Variants in PRTN3 observed in about 807,000 individuals in gnomAD.
PRTN3 encodes the protein proteinase 3, also known as myeloblastin.
In PRTN3, 22 loss-of-function variants were observed where a neutral mutation model predicts 20.7. The ratio of observed to expected loss-of-function variants is 1.06; its 90% confidence interval spans 0.76 to 1.52. The LOEUF (loss-of-function observed/expected upper bound fraction) is 1.52. PRTN3 is among the 40% of genes most tolerant of loss of function. The pLI, the probability that PRTN3 is intolerant of heterozygous loss-of-function variation, is 0.00. For missense variants in PRTN3, 378 were observed against 359.6 expected, an observed-to-expected ratio of 1.05 and a Z score of -0.41; for synonymous variants, 173 against 152.9, an observed-to-expected ratio of 1.13 and a Z score of -0.97.
intron 4 of PRTN3, 128 bp downstream of exon 4, chr19:846,505 G>T (rs1230914447): frequency 1.0e-6 from 1 of 1,004,340 alleles, no homozygotes; most frequent in African/African-American, 1.7e-5. Context: ...CCTGGAAGGT[G>T]GGCACACCCA....
chr19:843,217 C>A, intron 1 of PRTN3: 1 of 532,804 alleles, frequency 1.9e-6, no homozygotes, highest in Admixed American at 3.5e-5. Context: ...CACCCAGCCA[C>A]CTGGTCTGCG....
At chr19:846,420 G>A (rs1211253139) in intron 4 of PRTN3, 43 bp downstream of exon 4, 1 of 1,528,402 alleles carries the variant, frequency 6.5e-7, no homozygotes, top group African/African-American at 1.4e-5. Context: ...GCTGCCATGA[G>A]GGGAGGAGGG....
Position 843,998 on chromosome 19 carries a change from C to T in PRTN3, c.333C>T (p.Asp111=). The change falls in exon 3 of 5, where the codon GAC becomes GAT. Residue 111 remains aspartate (D), a synonymous_variant. Coordinates refer to ENST00000234347, the MANE Select transcript of PRTN3 (RefSeq NM_002777.4). ...CTCAGGTGTTTCTGAACAACTACGACGCGGAGAACAAACTGAACGACGTTC... is the reference window on the plus strand; with the variant it reads ...CTCAGGTGTTTCTGAACAACTACGATGCGGAGAACAAACTGAACGACGTTC... The part of the protein sequence containing the change: ...SVAQVFLNNY[D]AENKLNDVLL... 6.2e-7 allele frequency: 1 copy of T among 1,607,104 alleles called. No individual in the cohort carries two copies.
chr19:847,567 G>C lies in PRTN3; in HGVS notation c.601-232G>C, dbSNP rs549790161. Among the ~76,000 whole-genome samples the C allele has an allele frequency of 7.2e-3, 1,092 of 151,958 alleles. 14 individuals are homozygous for C. Among genetic ancestry groups the C allele is most frequent in the African/African-American group, 0.025 (1,021 of 41,428 alleles). On this transcript the variant is annotated intron_variant, in intron 4 of 4. Transcript: ENST00000234347. ...AGAAAGAAAAAGAAAGAGAGAGAGA[G>C]AGAGAGAGAGAGAGAAAGAAAGAAA...
At chr19:847,714 G>T in intron 4 of PRTN3, 85 bp from the exon 5 acceptor site, 1 of 1,463,818 alleles carries the variant, frequency 6.8e-7, no homozygotes, top group Non-Finnish European at 9.2e-7. Context: ...GACTCAGGTG[G>T]CCCCTGATGG....
chr19:842,228 G>T (rs1017290938), intron 1 of PRTN3, among the ~76,000 whole-genome samples: 5 of 150,366 alleles, frequency 3.3e-5, no homozygotes, highest in Non-Finnish European at 4.4e-5. Context: ...GTTTCACCAC[G>T]TTGGTCAGGC....
At chr19:841,737 T>C (rs1371897943) in intron 1 of PRTN3, among the ~76,000 whole-genome samples, 8 of 147,674 alleles carry the variant, frequency 5.4e-5, no homozygotes, top group Middle Eastern at 3.5e-3. Flanking sequence ...TTTTCTTTTT[T>C]TTTTTTTTGA....
In PRTN3 at chr19:848,089, C is replaced by T. The variant is rs2035543522; in HGVS notation, c.*120C>T. The T allele has an allele frequency of 7.9e-7, 1 of 1,258,348 alleles. No homozygotes were observed. 77.9% of individuals were successfully genotyped at this position (1,258,348 alleles called of 1,614,324 possible). A position where few individuals can be genotyped will look rare whatever the true frequency, so the allele number is the denominator to read the frequency against. ...TGGCGTCCGGGACGGCCCCACCCGT[C>T]CCCCCACACTCCCTCCCACGGGGCT... is the stretch of plus-strand genomic sequence containing the variant. On this transcript the variant is annotated 3_prime_UTR_variant, in exon 5 of 5. Transcript: ENST00000234347.
chr19:846,164 C>A lies in PRTN3; in HGVS notation c.387C>A (p.Asn129Lys). ...VLLIQLSSPA[N>K]LSASVATVQL... Reference sequence around the variant, plus strand: ...TGCCCCAGCTGAGCAGCCCAGCCAACCTCAGTGCCTCCGTCGCCACAGTCC... The same window carrying A: ...TGCCCCAGCTGAGCAGCCCAGCCAAACTCAGTGCCTCCGTCGCCACAGTCC... The change falls in exon 4 of 5, where the codon AAC (asparagine) becomes AAA (lysine). Residue 129 changes from asparagine (N) to lysine (K), a missense_variant. Physicochemically the swap from Asn to Lys is moderately conservative, Grantham distance 94 (BLOSUM62 0). Coordinates refer to ENST00000234347, the MANE Select transcript of PRTN3 (RefSeq NM_002777.4). 6.8e-7 allele frequency: 1 copy of A among 1,475,840 alleles called. No individual in the cohort carries two copies. Among genetic ancestry groups the A allele is most frequent in the Non-Finnish European group, 9.0e-7 (1 of 1,110,724 alleles). 91.4% of individuals were successfully genotyped at this position (1,475,840 alleles called of 1,614,324 possible).
chr19:843,354 G>GA lies in PRTN3; in HGVS notation c.62-107_62-106insA. ...CCACCAGCCAGCAGGCACTGACCGG[G>GA]TTGCAGATCGGGAGACGGAGGCTCG... On this transcript the variant is annotated intron_variant, in intron 1 of 4. Transcript: ENST00000234347. 7 of 1,240,090 alleles carry GA rather than the reference G, an allele frequency of 5.6e-6. No individual in the cohort carries two copies. The South Asian group carries it at 1.1e-4, about 20-fold the overall frequency. The allele number at this position is 1,240,090 out of a possible 1,614,324, so 76.8% of individuals were successfully genotyped here. A position where few individuals can be genotyped will look rare whatever the true frequency, so the allele number is the denominator to read the frequency against.
chr19:846,773 C>T (rs940289695), intron 4 of PRTN3, among the ~76,000 whole-genome samples: 3 of 152,112 alleles, frequency 2.0e-5, no homozygotes, highest in African/African-American at 7.2e-5. Context: ...GACGGAGTGT[C>T]GCTCTGTTGT....
chr19:848,080 C>T lies in PRTN3; in HGVS notation c.*111C>T. Reference sequence around the variant, plus strand: ...CGAACACTGTGGCGTCCGGGACGGCCCCACCCGTCCCCCCACACTCCCTCC... The same window carrying T: ...CGAACACTGTGGCGTCCGGGACGGCTCCACCCGTCCCCCCACACTCCCTCC... On this transcript the variant is annotated 3_prime_UTR_variant, in exon 5 of 5. Coordinates refer to ENST00000234347, the MANE Select transcript of PRTN3 (RefSeq NM_002777.4). 1 of 1,318,650 alleles carries T rather than the reference C, an allele frequency of 7.6e-7. No homozygotes were observed. Among genetic ancestry groups the T allele is most frequent in the Non-Finnish European group, 1.0e-6 (1 of 977,932 alleles). The allele number at this position is 1,318,650 out of a possible 1,614,324, so 81.7% of individuals were successfully genotyped here.
intron 3 of PRTN3, 87 bp from the exon 4 acceptor site, chr19:846,060 G>A: frequency 1.0e-6 from 1 of 972,664 alleles, no homozygotes; most frequent in Non-Finnish European, 1.4e-6. Context: ...TTGAGGTGGT[G>A]GGTGTGGTGG....
At chr19:845,998 G>A in intron 3 of PRTN3, 149 bp from the exon 4 acceptor site, 2 of 542,134 alleles carry the variant, frequency 3.7e-6, no homozygotes, top group South Asian at 2.8e-5. Flanking sequence ...AGTGACAAAT[G>A]GGACAAAGGG....
intron 1 of PRTN3, 77 bp downstream of exon 1, chr19:841,146 T>A: frequency 6.5e-7 from 1 of 1,535,504 alleles, no homozygotes; most frequent in Non-Finnish European, 8.8e-7. Context: ...ACGAGGTCCA[T>A]CCAAAGCCCT....
intron 1 of PRTN3, among the ~76,000 whole-genome samples, chr19:843,080 A>G (rs769687886): frequency 6.6e-6 from 1 of 151,602 alleles, no homozygotes; most frequent in Non-Finnish European, 1.5e-5. Context: ...ATGCCTGGCT[A>G]ATTTTAAAAT....
intron 3 of PRTN3, among the ~76,000 whole-genome samples, chr19:845,686 C>G (rs978332231): frequency 6.7e-6 from 1 of 150,230 alleles, no homozygotes; most frequent in African/African-American, 2.5e-5. Flanking sequence ...TGCACTCTAG[C>G]CTGGGCAACA....
At chr19:841,806 C>A (rs1317149182) in intron 1 of PRTN3, among the ~76,000 whole-genome samples, 2 of 138,468 alleles carry the variant, frequency 1.4e-5, no homozygotes, top group Non-Finnish European at 3.1e-5. Context: ...CGGCTCACTG[C>A]AAGCTCAGCC....
At chr19:843,405 T>G (rs2035469230) in intron 1 of PRTN3, 56 bp from the exon 2 acceptor site, 2 of 1,472,690 alleles carry the variant, frequency 1.4e-6, no homozygotes, top group South Asian at 2.6e-5. Flanking sequence ...TGCTCTGCCA[T>G]CCCCCCTTTC....
Sources: gnomAD v4.1 joint callset for allele counts (sites outside exome capture counted in the v4.1 genomes callset) on GRCh38, gnomAD v4.1.1 for gene constraint, MANE v1.5 for transcripts, NCBI Gene and HGNC (gene_info 2026-07-23, HGNC 2026-07-21) for gene names.